CELF1: variants seen among roughly 807,000 people sequenced by gnomAD.
CELF1 encodes 50 kDa nuclear polyadenylated RNA-binding protein.
A neutral mutation model predicts 61.8 loss-of-function variants in CELF1; 10 were observed. That is an observed-to-expected ratio of 0.16 (90% CI 0.10 to 0.27). The LOEUF is 0.27. CELF1 is among the 10% of genes least tolerant of loss of function. The pLI, the probability that CELF1 is intolerant of heterozygous loss-of-function variation, is 1.00. For synonymous variants in CELF1, 236 were observed against 225.1 expected, an observed-to-expected ratio of 1.05 and a Z score of -0.43; for missense variants, 380 against 639.1, an observed-to-expected ratio of 0.59 and a Z score of 4.37.
intron 13 of CELF1, among the ~76,000 whole-genome samples, 182 bp downstream of exon 13, chr11:47,475,154 C>T (rs1056697930): frequency 2.6e-5 from 4 of 152,218 alleles, no homozygotes; most frequent in Non-Finnish European, 4.4e-5. Context: ...GAGCCACATC[C>T]AGAAAACATT....
At chr11:47,493,678 C>T (rs934696117) in intron 3 of CELF1, among the ~76,000 whole-genome samples, 5 of 151,980 alleles carry the variant, frequency 3.3e-5, no homozygotes, top group Admixed American at 2.6e-4. Flanking sequence ...CAAGCTCATA[C>T]CTTATTTTTT....
At chr11:47,552,262 G>A (rs1334305693) in intron 1 of CELF1, among the ~76,000 whole-genome samples, 2 of 152,174 alleles carry the variant, frequency 1.3e-5, no homozygotes, top group African/African-American at 4.8e-5. Context: ...GAAGCTCCTT[G>A]GTGCATGTGT....
chr11:47,496,221 A>G (rs2093066573), intron 3 of CELF1, among the ~76,000 whole-genome samples: 1 of 152,250 alleles, frequency 6.6e-6, no homozygotes, highest in Admixed American at 6.5e-5. Context: ...GTTAGGTACT[A>G]GAAAAAGCTA....
At chr11:47,489,126 A>T in intron 3 of CELF1, 102 bp from the exon 4 acceptor site, 2 of 993,136 alleles carry the variant, frequency 2.0e-6, no homozygotes, top group Non-Finnish European at 2.7e-6. Context: ...AACGTAAGGG[A>T]AAAAAAATCT....
chr11:47,500,641 T>G (rs1400684102), intron 2 of CELF1, among the ~76,000 whole-genome samples: 2 of 152,122 alleles, frequency 1.3e-5, no homozygotes, highest in African/African-American at 4.8e-5. Flanking sequence ...CCAAGACTAG[T>G]GAGTGCACAC....
chr11:47,558,808 AAT>A (rs1299107804), intron 2 of CELF1, among the ~76,000 whole-genome samples: 3 of 124,726 alleles, frequency 2.4e-5, no homozygotes, highest in Non-Finnish European at 3.2e-5. Flanking sequence ...TGCAGCCAAT[AAT>A]ATATATATTG....
chr11:47,522,743 T>C (rs2096003995), intron 1 of CELF1, among the ~76,000 whole-genome samples: 1 of 149,898 alleles, frequency 6.7e-6, no homozygotes, highest in South Asian at 2.1e-4. Flanking sequence ...GGAGAATTGC[T>C]TGAACCTGGG....
intron 1 of CELF1, among the ~76,000 whole-genome samples, chr11:47,535,123 A>G (rs1192624785): frequency 6.6e-6 from 1 of 152,212 alleles, no homozygotes; most frequent in Non-Finnish European, 1.5e-5. Flanking sequence ...TTTCACAGTA[A>G]TAATCTAGAA....
chr11:47,514,103 A>AT (rs2095415552), intron 1 of CELF1: 1 of 151,560 alleles, frequency 6.6e-6, no homozygotes, highest in Admixed American at 6.6e-5. Context: ...TAATTTTTGT[A>AT]TTTTTTAGTA....
In CELF1 at chr11:47,504,515, G is replaced by A. The variant is rs766421163; in HGVS notation, c.-153-3583C>T. On this transcript the variant is annotated intron_variant, in intron 1 of 14. Transcript: ENST00000687097. ...ATCACCTGACCCCAGGAAGGTCAACGCTGCAGTGATACTTGATCGCACCAC... is the reference window on the plus strand; with the variant it reads ...ATCACCTGACCCCAGGAAGGTCAACACTGCAGTGATACTTGATCGCACCAC... Among the ~76,000 whole-genome samples the A allele has an allele frequency of 3.4e-4, 52 of 152,024 alleles. 2 individuals are homozygous for A. Among genetic ancestry groups the A allele is most frequent in the Non-Finnish European group, 6.6e-4 (45 of 68,006 alleles).
chr11:47,499,622 C>CA lies in CELF1; in HGVS notation c.-81-19dup, dbSNP rs2093643301. The CA allele has an allele frequency of 6.3e-6, 6 of 950,448 alleles. No individual in the cohort carries two copies. 58.9% of individuals were successfully genotyped at this position (950,448 alleles called of 1,614,324 possible). On this transcript the variant is annotated intron_variant, in intron 2 of 14. Coordinates refer to ENST00000687097, the MANE Select transcript of CELF1 (RefSeq NM_001376376.1). ...TTAGCTTCCTGGGCCCCACAAAAAA[C>CA]ACAAAGTGGAAACAGGAGCTCAGGG... is the stretch of plus-strand genomic sequence containing the variant.
chr11:47,562,017 G>A (rs1211833358), intron 2 of CELF1, among the ~76,000 whole-genome samples: 2 of 150,974 alleles, frequency 1.3e-5, no homozygotes, highest in Non-Finnish European at 3.0e-5. Context: ...ACCTGAGGTC[G>A]GGAGTTCGAG....
chr11:47,482,754 C>A lies in CELF1; in HGVS notation c.709G>T (p.Ala237Ser). 1 of 1,614,118 alleles carries A rather than the reference C, an allele frequency of 6.2e-7. No homozygotes were observed. The highest frequency in any genetic ancestry group is 8.5e-7 in the Non-Finnish European group (1 of 1,180,006). Residue 237 changes from alanine (A) to serine (S), a missense_variant, in exon 9 of 15, where the codon GCA becomes TCA. Transcript: ENST00000687097. ...GCAAGGTTTCCCCACACAGATGCTG[C>A]GCTGATTTGCTGCATCTGCTGCTGG... ...QLQQQMQQIS[A>S]ASVWGNLAGL...
chr11:47,553,071 G>T lies in CELF1; in HGVS notation c.-233C>A. 1 of 400,830 alleles carries T rather than the reference G, an allele frequency of 2.5e-6. No homozygotes were observed. Among genetic ancestry groups the T allele is most frequent in the East Asian group, 3.6e-5 (1 of 28,122 alleles). 24.8% of individuals were successfully genotyped at this position (400,830 alleles called of 1,614,324 possible). A position where few individuals can be genotyped will look rare whatever the true frequency, so the allele number is the denominator to read the frequency against. ...CCGCCGCCGCCGCCTCGCTGCTGAGGCCGAATCCCGGGGGAGCCTCCGCGT... is the reference window on the plus strand; with the variant it reads ...CCGCCGCCGCCGCCTCGCTGCTGAGTCCGAATCCCGGGGGAGCCTCCGCGT... On this transcript the variant is annotated 5_prime_UTR_variant, in exon 1 of 15. Transcript: ENST00000687097.
At chr11:47,488,646 C>G (rs534606172) in intron 4 of CELF1, among the ~76,000 whole-genome samples, 191 bp downstream of exon 4, 1 of 152,274 alleles carries the variant, frequency 6.6e-6, no homozygotes, top group East Asian at 1.9e-4. Context: ...CAAGATATTA[C>G]TACTATAAAA....
chr11:47,494,328 T>C, intron 3 of CELF1: 2 of 930,368 alleles, frequency 2.1e-6, no homozygotes, highest in Non-Finnish European at 2.6e-6. Flanking sequence ...GTAATAGTAA[T>C]ACCTGAGGAG....
At chr11:47,562,529 C>CAA (rs35621873) in intron 2 of CELF1, among the ~76,000 whole-genome samples, 3,064 of 90,434 alleles carry the variant, frequency 0.034, 152 homozygotes, top group African/African-American at 0.049. Context: ...AACTCTATCT[C>CAA]AAAAAAAAAA....
In CELF1 at chr11:47,522,461, A is replaced by G. The variant is rs553382699; in HGVS notation, c.-153-21529T>C. On this transcript the variant is annotated intron_variant, in intron 1 of 14. Transcript: ENST00000687097. Reference sequence around the variant, plus strand: ...GGAGAACCCGGGAGGCAGAGGTTGCAGTGAGCTGAGATTGTGCCATTGCAC... The same window carrying G: ...GGAGAACCCGGGAGGCAGAGGTTGCGGTGAGCTGAGATTGTGCCATTGCAC... Among the ~76,000 whole-genome samples, 57 of 151,798 alleles carry G rather than the reference A, an allele frequency of 3.8e-4. No individual in the cohort carries two copies. The South Asian group carries it at 0.012, about 31-fold the overall frequency.
chr11:47,560,174 C>T (rs540044926), intron 2 of CELF1, among the ~76,000 whole-genome samples: 2 of 152,190 alleles, frequency 1.3e-5, no homozygotes, highest in East Asian at 1.9e-4. Flanking sequence ...GCCTGTAATC[C>T]CAGCTACTGG....
Sources: allele counts gnomAD v4.1 joint callset (sites outside exome capture counted in the v4.1 genomes callset), GRCh38; gene constraint gnomAD v4.1.1; transcripts MANE v1.5; gene names NCBI Gene and HGNC (gene_info 2026-07-23, HGNC 2026-07-21).